Variants in PARP8 observed in about 807,000 individuals in gnomAD.
PARP8 encodes protein mono-ADP-ribosyltransferase PARP8.
A neutral mutation model predicts 124.1 loss-of-function variants in PARP8; 51 were observed. That is an observed-to-expected ratio of 0.41 (90% CI 0.33 to 0.52). The LOEUF (loss-of-function observed/expected upper bound fraction) is 0.52. Among genes scored for constraint, PARP8 ranks in the 20% least tolerant of loss-of-function variants. The probability of loss-of-function intolerance (pLI) is 0.21; values close to 1 mark genes in which losing one functional copy is unlikely to be tolerated. For synonymous variants in PARP8, 391 were observed against 361.5 expected, an observed-to-expected ratio of 1.08 and a Z score of -0.93; for missense variants, 860 against 1,018.9, an observed-to-expected ratio of 0.84 and a Z score of 2.12.
chr5:50,720,100 T>C (rs564489451), intron 2 of PARP8, among the ~76,000 whole-genome samples: 1 of 152,226 alleles, frequency 6.6e-6, no homozygotes, highest in African/African-American at 2.4e-5. Context: ...AAAAGCAATA[T>C]GTTTAGGAAA....
chr5:50,748,890 T>G (rs1561323433), intron 2 of PARP8, among the ~76,000 whole-genome samples: 1 of 152,208 alleles, frequency 6.6e-6, no homozygotes, highest in Admixed American at 6.5e-5. Flanking sequence ...ATTGGGAAAT[T>G]TTTAGCTCTT....
At chr5:50,796,725 A>G (rs1742595091) in intron 12 of PARP8, among the ~76,000 whole-genome samples, 1 of 152,230 alleles carries the variant, frequency 6.6e-6, no homozygotes, top group African/African-American at 2.4e-5. Flanking sequence ...AGATGCCAGT[A>G]ATTTTTGCTA....
At chr5:50,695,528 C>T (rs1187743552) in intron 2 of PARP8, among the ~76,000 whole-genome samples, 1 of 152,098 alleles carries the variant, frequency 6.6e-6, no homozygotes, top group Non-Finnish European at 1.5e-5. Context: ...TGATTATTGT[C>T]AATAAAAGGG....
intron 25 of PARP8, among the ~76,000 whole-genome samples, chr5:50,838,848 C>T (rs1747868325): frequency 6.6e-6 from 1 of 151,930 alleles, no homozygotes; most frequent in Non-Finnish European, 1.5e-5. Flanking sequence ...GCCTTCTTAC[C>T]ACCTAGACCA....
At chr5:50,841,317 T>C (rs1748152508) in intron 25 of PARP8, among the ~76,000 whole-genome samples, 1 of 151,920 alleles carries the variant, frequency 6.6e-6, no homozygotes, top group African/African-American at 2.4e-5. Flanking sequence ...AAAATGTAAC[T>C]ATTTCTTTTT....
At chr5:50,703,498 G>A (rs1163407562) in intron 2 of PARP8, among the ~76,000 whole-genome samples, 1 of 152,000 alleles carries the variant, frequency 6.6e-6, no homozygotes, top group Non-Finnish European at 1.5e-5. Context: ...CTTCCTTGAA[G>A]GATTCATGAT....
intron 3 of PARP8, chr5:50,757,296 G>A (rs1760074896): frequency 3.1e-6 from 1 of 324,014 alleles, no homozygotes; most frequent in Non-Finnish European, 6.4e-6. Context: ...AATCAGTAAG[G>A]AGATCAAATT....
chr5:50,759,912 T>C (rs1199114201), intron 4 of PARP8, among the ~76,000 whole-genome samples, 180 bp downstream of exon 4: 5 of 152,170 alleles, frequency 3.3e-5, no homozygotes, highest in Non-Finnish European at 5.9e-5. Flanking sequence ...AATGCATAAA[T>C]TTAAAGTAGT....
chr5:50,840,517 T>A (rs1014156609), intron 25 of PARP8, among the ~76,000 whole-genome samples: 16 of 151,782 alleles, frequency 1.1e-4, no homozygotes, highest in African/African-American at 3.6e-4. Context: ...GGTCAAAAAA[T>A]AAGGGCTTTG....
chr5:50,805,671 G>C (rs1445159370), intron 14 of PARP8, among the ~76,000 whole-genome samples: 2 of 152,002 alleles, frequency 1.3e-5, no homozygotes, highest in African/African-American at 4.8e-5. Context: ...AATTTTATTA[G>C]ACCTTTTTTG....
chr5:50,714,503 C>T (rs1755100317), intron 2 of PARP8, among the ~76,000 whole-genome samples: 1 of 152,088 alleles, frequency 6.6e-6, no homozygotes, highest in South Asian at 2.1e-4. Flanking sequence ...TTTGCTGCGC[C>T]TATCAACCCG....
Position 50,835,542 on chromosome 5 carries a change from GAAAAAAA to G in PARP8, c.2462+530_2462+536del, listed in dbSNP as rs369666093. On this transcript the variant is annotated intron_variant, in intron 25 of 25. Transcript: ENST00000281631. ...TGACAGGGAGAATCTGTCTCAAAAA[GAAAAAAA>G]AAGAAAAAAGAAAAACACCATCTCT... Among the ~76,000 whole-genome samples the G allele has an allele frequency of 7.1e-3, 1,059 of 148,836 alleles. 11 individuals carry two copies. The highest frequency in any genetic ancestry group is 0.025 in the African/African-American group (1,026 of 40,618).
chr5:50,708,440 C>T (rs1022327293), intron 2 of PARP8, among the ~76,000 whole-genome samples: 18 of 151,970 alleles, frequency 1.2e-4, no homozygotes, highest in Admixed American at 2.6e-4. Flanking sequence ...TTAATCTCTG[C>T]ATGTCTAAAA....
At chr5:50,691,552 G>C (rs1275160390) in intron 2 of PARP8, among the ~76,000 whole-genome samples, 1 of 152,042 alleles carries the variant, frequency 6.6e-6, no homozygotes, top group Non-Finnish European at 1.5e-5. Context: ...GACACCTTCT[G>C]TTTCCTCATC....
chr5:50,667,827 C>G (rs1749522244), intron 1 of PARP8: 27 of 1,202,012 alleles, frequency 2.2e-5, no homozygotes, highest in Admixed American at 4.1e-5. Flanking sequence ...CCTCCCCTAT[C>G]GGGAAATTCC....
At chr5:50,798,712 G>A (rs1330927210) in intron 14 of PARP8, among the ~76,000 whole-genome samples, 3 of 152,114 alleles carry the variant, frequency 2.0e-5, no homozygotes, top group East Asian at 1.9e-4. Context: ...GTGAACCACC[G>A]CGCCTGGCCT....
chr5:50,689,642 A>G (rs1357661186), intron 2 of PARP8, among the ~76,000 whole-genome samples: 2 of 152,202 alleles, frequency 1.3e-5, no homozygotes, highest in African/African-American at 4.8e-5. Flanking sequence ...AGAGGAGTGA[A>G]AGGAATATTT....
intron 2 of PARP8, among the ~76,000 whole-genome samples, chr5:50,671,841 G>T (rs769837106): frequency 3.3e-4 from 50 of 152,202 alleles, no homozygotes; most frequent in Admixed American, 6.5e-4. Context: ...AATAAAATTA[G>T]AAATTTAATA....
At chr5:50,754,332 C>G (rs978860150) in intron 3 of PARP8, among the ~76,000 whole-genome samples, 1 of 151,566 alleles carries the variant, frequency 6.6e-6, no homozygotes, top group Non-Finnish European at 1.5e-5. Flanking sequence ...TCCCTCCCCC[C>G]AGCCTCCCAC....
Sources: gnomAD v4.1 joint callset for allele counts (sites outside exome capture counted in the v4.1 genomes callset) on GRCh38, gnomAD v4.1.1 for gene constraint, MANE v1.5 for transcripts, NCBI Gene and HGNC (gene_info 2026-07-23, HGNC 2026-07-21) for gene names.